Variants in AKAP13 observed in about 807,000 individuals in gnomAD.
The protein encoded by AKAP13 is A-kinase anchor protein 13.
A neutral mutation model predicts 264.5 loss-of-function variants in AKAP13; 80 were observed. The observed-to-expected ratio is 0.30, with a 90% CI of 0.25 to 0.36. AKAP13 has a LOEUF of 0.36. Among genes scored for constraint, AKAP13 ranks in the 10% least tolerant of loss-of-function variants. The pLI is 1.00. For synonymous variants in AKAP13, 1,380 were observed against 1,250.2 expected (o/e 1.10, Z -2.19); for missense variants, 3,712 against 3,435.2 (o/e 1.08, Z -2.01).
intron 1 of AKAP13, among the ~76,000 whole-genome samples, chr15:85,385,806 A>G (rs184039389): frequency 1.3e-5 from 2 of 152,210 alleles, no homozygotes; most frequent in Admixed American, 1.3e-4. Flanking sequence ...GTCTGTTTTT[A>G]CTTGTCTTAA....
At chr15:85,559,486 T>C (rs1384764104) in intron 5 of AKAP13, among the ~76,000 whole-genome samples, 2 of 152,170 alleles carry the variant, frequency 1.3e-5, no homozygotes, top group Non-Finnish European at 2.9e-5. Context: ...CTGTTATTAC[T>C]GCACTGTAAT....
chr15:85,467,790 CA>C (rs2074804156), intron 1 of AKAP13, among the ~76,000 whole-genome samples: 1 of 152,174 alleles, frequency 6.6e-6, no homozygotes, highest in Admixed American at 6.5e-5. Flanking sequence ...TGGGACATTT[CA>C]GGGGTTGATA....
At chr15:85,656,502 A>AGCG in intron 11 of AKAP13, among the ~76,000 whole-genome samples, 1 of 152,078 alleles carries the variant, frequency 6.6e-6, no homozygotes, top group African/African-American at 2.4e-5. Context: ...GCTGGAGTGC[A>AGCG]GCGGCGCAAT....
At chr15:85,560,443 A>G (rs535602191) in intron 5 of AKAP13, among the ~76,000 whole-genome samples, 18 of 152,276 alleles carry the variant, frequency 1.2e-4, no homozygotes, top group African/African-American at 3.4e-4. Flanking sequence ...CACTGCACCC[A>G]GCCTATTTAT....
intron 5 of AKAP13, among the ~76,000 whole-genome samples, chr15:85,562,482 T>C (rs1279465602): frequency 6.7e-6 from 1 of 149,236 alleles, no homozygotes; most frequent in Non-Finnish European, 1.5e-5. Context: ...GGAGAATCGC[T>C]TGTACCTGGA....
At chr15:85,681,618 T>A (rs972567599) in intron 14 of AKAP13, among the ~76,000 whole-genome samples, 1 of 151,880 alleles carries the variant, frequency 6.6e-6, no homozygotes, top group Non-Finnish European at 1.5e-5. Context: ...TCCAAAGGTC[T>A]CATCCCAAAT....
chr15:85,730,462 C>T (rs546002746), intron 29 of AKAP13, 51 bp from the exon 30 acceptor site: 44 of 1,566,738 alleles, frequency 2.8e-5, no homozygotes, highest in African/African-American at 4.1e-5. Context: ...TAGTCATTCT[C>T]GTAATTACTA....
intron 1 of AKAP13, among the ~76,000 whole-genome samples, chr15:85,403,906 C>G (rs2071548141): frequency 6.6e-6 from 1 of 151,684 alleles, no homozygotes; most frequent in South Asian, 2.1e-4. Flanking sequence ...GCTTTTGGGA[C>G]CTGGAAGCAC....
intron 1 of AKAP13, among the ~76,000 whole-genome samples, chr15:85,481,292 A>G (rs17624574): frequency 0.011 from 1,658 of 152,234 alleles, 14 homozygotes; most frequent in Middle Eastern, 0.017. Context: ...GTACATTCTG[A>G]TGATGGTGTC....
chr15:85,743,731 CACCTCTGCCTCT>C lies in AKAP13; in HGVS notation c.8302_8313del (p.Ser2768_Thr2771del), dbSNP rs1223396957. ...AAGGGCAGAGCCAGGCCCCTGCGTCCACCTCTGCCTCTACCCGCCTGTTTGGGTTAACAAAGC... is the reference window on the plus strand; with the variant it reads ...AAGGGCAGAGCCAGGCCCCTGCGTCCACCCGCCTGTTTGGGTTAACAAAGC... On this transcript the variant is annotated inframe_deletion, in exon 36 of 37. Transcript: ENST00000394518. 7 of 1,614,030 alleles carry C rather than the reference CACCTCTGCCTCT, an allele frequency of 4.3e-6. No individual in the cohort carries two copies. The highest frequency in any genetic ancestry group is 5.9e-6 in the Non-Finnish European group (7 of 1,180,034).
At chr15:85,508,853 CT>C (rs1381051314) in intron 2 of AKAP13, among the ~76,000 whole-genome samples, 2 of 147,092 alleles carry the variant, frequency 1.4e-5, no homozygotes, top group Non-Finnish European at 2.9e-5. Context: ...GCCTTGACTG[CT>C]TTCTTTATCT....
At chr15:85,537,439 T>C (rs752974474) in intron 4 of AKAP13, among the ~76,000 whole-genome samples, 3 of 152,268 alleles carry the variant, frequency 2.0e-5, no homozygotes, top group Non-Finnish European at 4.4e-5. Context: ...GTAAGATTTA[T>C]GGCTAATCCT....
chr15:85,494,474 A>T (rs533779697), intron 2 of AKAP13, among the ~76,000 whole-genome samples: 1 of 152,210 alleles, frequency 6.6e-6, no homozygotes, highest in Non-Finnish European at 1.5e-5. Flanking sequence ...CCCATACTTG[A>T]TATGCCAGAG....
chr15:85,615,355 A>G (rs2080889473), intron 8 of AKAP13, among the ~76,000 whole-genome samples: 1 of 152,116 alleles, frequency 6.6e-6, no homozygotes, highest in Non-Finnish European at 1.5e-5. Context: ...TCAAATCTGT[A>G]TGTTAGTGAA....
intron 33 of AKAP13, among the ~76,000 whole-genome samples, chr15:85,737,858 C>T (rs1439810449): frequency 2.6e-5 from 4 of 151,716 alleles, no homozygotes; most frequent in Admixed American, 6.6e-5. Context: ...AGGCTGGTCT[C>T]GAACTCCTGA....
intron 14 of AKAP13, among the ~76,000 whole-genome samples, chr15:85,672,855 A>T (rs1174243519): frequency 6.6e-6 from 1 of 152,172 alleles, no homozygotes; most frequent in Non-Finnish European, 1.5e-5. Context: ...GCCAGGGTCC[A>T]TTTTTCTCTG....
intron 12 of AKAP13, among the ~76,000 whole-genome samples, chr15:85,663,402 C>T (rs1454381303): frequency 2.0e-5 from 3 of 151,634 alleles, no homozygotes; most frequent in African/African-American, 7.3e-5. Context: ...TGAAGAAAAA[C>T]ATATCCATTG....
intron 2 of AKAP13, among the ~76,000 whole-genome samples, chr15:85,489,408 C>G (rs2075662642): frequency 6.6e-6 from 1 of 152,124 alleles, no homozygotes; most frequent in African/African-American, 2.4e-5. Flanking sequence ...ATGTTATCTC[C>G]TTTTTAAAAG....
intron 2 of AKAP13, among the ~76,000 whole-genome samples, chr15:85,489,153 G>A (rs367781136): frequency 5.2e-4 from 79 of 152,304 alleles, no homozygotes; most frequent in South Asian, 2.9e-3. Flanking sequence ...CTAATTGGTG[G>A]TAAATTGTGA....
Sources: allele counts gnomAD v4.1 joint callset (sites outside exome capture counted in the v4.1 genomes callset), GRCh38; gene constraint gnomAD v4.1.1; transcripts MANE v1.5; gene names NCBI Gene and HGNC (gene_info 2026-07-23, HGNC 2026-07-21).